The following ZFP90 variants were observed in gnomAD, a reference collection of about 807,000 sequenced individuals.
ZFP90 encodes the protein zinc finger protein 90 homolog.
ZFP90 carries 38 observed loss-of-function variants against 60.8 expected under a neutral mutation model. The observed-to-expected ratio is 0.62, with a 90% CI of 0.48 to 0.82. The LOEUF is 0.82. ZFP90 is among the 40% of genes least tolerant of loss of function. ZFP90 has a pLI of 0.00. For synonymous variants in ZFP90, 287 were observed against 264.8 expected, an observed-to-expected ratio of 1.08 and a Z score of -0.82; for missense variants, 711 against 759.1, an observed-to-expected ratio of 0.94 and a Z score of 0.74.
At chr16:68,545,233 C>T (rs1176982410) in intron 2 of ZFP90, among the ~76,000 whole-genome samples, 3 of 151,942 alleles carry the variant, frequency 2.0e-5, no homozygotes, top group African/African-American at 7.3e-5. Context: ...ATTTACCCAG[C>T]CTTCTCTGTA....
downstream of ZFP90, among the ~76,000 whole-genome samples, chr16:68,567,509 T>C (rs1029936356): frequency 2.6e-5 from 4 of 152,156 alleles, no homozygotes; most frequent in African/African-American, 9.7e-5. Flanking sequence ...TTTTTCCAAG[T>C]AGAGCTGGAA....
Position 68,564,787 on chromosome 16 carries a change from A to G in ZFP90, c.*89A>G. 2.0e-6 allele frequency: 3 copies of G among 1,481,640 alleles called. No homozygotes were observed. The highest frequency in any genetic ancestry group is 2.7e-6 in the Non-Finnish European group (3 of 1,121,810). 91.8% of individuals were successfully genotyped at this position (1,481,640 alleles called of 1,614,324 possible). On this transcript the variant is annotated 3_prime_UTR_variant, in exon 5 of 5. Coordinates refer to ENST00000563169, the MANE Select transcript of ZFP90 (RefSeq NM_001305203.2). ...GATTCTTAGAGAGCTTGGGAATGTA[A>G]TGAATTACGTGTGTGTTTATACGTT...
In ZFP90 at chr16:68,549,381, G is replaced by GT. The variant is rs375718304; in HGVS notation, c.34-8614dup. On this transcript the variant is annotated intron_variant, in intron 2 of 4. Transcript: ENST00000563169. ...GTCAGAGATACTGAAATGAAAAGGAGTTTAAGAAATTTTTGGCTGGGCGCG... is the reference window on the plus strand; with the variant it reads ...GTCAGAGATACTGAAATGAAAAGGAGTTTTAAGAAATTTTTGGCTGGGCGCG... Among the ~76,000 whole-genome samples, 588 of 152,242 alleles carry GT rather than the reference G, an allele frequency of 3.9e-3. 3 individuals are homozygous for GT. The highest frequency in any genetic ancestry group is 0.013 in the African/African-American group (560 of 41,544).
At chr16:68,538,314 A>C (rs2090977858), upstream of ZFP90, among the ~76,000 whole-genome samples, 1 of 152,232 alleles carries the variant, frequency 6.6e-6, no homozygotes, top group South Asian at 2.1e-4. Flanking sequence ...CAATGCTCTA[A>C]TGTTAAGAAA....
intron 2 of ZFP90, among the ~76,000 whole-genome samples, chr16:68,547,057 C>G (rs1270153001): frequency 1.3e-5 from 2 of 152,210 alleles, no homozygotes; most frequent in Non-Finnish European, 2.9e-5. Context: ...TGAACATGAA[C>G]ATGAGGCATT....
intron 2 of ZFP90, among the ~76,000 whole-genome samples, chr16:68,550,090 G>A (rs1300793128): frequency 1.3e-5 from 2 of 151,912 alleles, no homozygotes; most frequent in Non-Finnish European, 2.9e-5. Flanking sequence ...TTTTCTAGTG[G>A]CTACAATATA....
upstream of ZFP90, among the ~76,000 whole-genome samples, chr16:68,538,091 T>C (rs1464713251): frequency 6.6e-6 from 1 of 152,090 alleles, no homozygotes; most frequent in Non-Finnish European, 1.5e-5. Context: ...TTTGTATTTT[T>C]AGTAGAGACG....
intron 4 of ZFP90, among the ~76,000 whole-genome samples, chr16:68,560,537 T>TTTTATTTATTTA (rs1555499701): frequency 3.4e-5 from 5 of 147,116 alleles, no homozygotes; most frequent in East Asian, 4.0e-4. Flanking sequence ...CCACACTGGA[T>TTTTATTTATTTA]TTTATTTATT....
At position 68,539,509 on chromosome 16, in the gene ZFP90, G is replaced by A. The variant is rs545751846; in HGVS notation, c.-36+30G>A. 1.9e-4 allele frequency: 89 copies of A among 479,634 alleles called. 1 individual carries two copies. In the South Asian group the frequency reaches 2.8e-3, roughly 15 times the overall value. 29.7% of individuals were successfully genotyped at this position (479,634 alleles called of 1,614,324 possible). ...GCGGGTCTGGGCGGGACCCCTCCTG[G>A]GTTTGGCGGGTGTCAGCCGGGCCTC... On this transcript the variant is annotated intron_variant, in intron 1 of 4. Coordinates refer to ENST00000563169, the MANE Select transcript of ZFP90 (RefSeq NM_001305203.2).
downstream of ZFP90, among the ~76,000 whole-genome samples, chr16:68,568,207 T>C (rs2091548767): frequency 6.6e-6 from 1 of 152,222 alleles, no homozygotes; most frequent in South Asian, 2.1e-4. Flanking sequence ...TTTATTACCC[T>C]GCTAATTAAT....
chr16:68,554,201 A>G (rs895058615), intron 2 of ZFP90, among the ~76,000 whole-genome samples: 5 of 150,058 alleles, frequency 3.3e-5, no homozygotes, highest in African/African-American at 1.2e-4. Context: ...GGCTCATTGC[A>G]GTTTCCACCT....
intron 2 of ZFP90, among the ~76,000 whole-genome samples, chr16:68,551,546 C>T (rs1406841833): frequency 6.6e-6 from 1 of 151,254 alleles, no homozygotes; most frequent in African/African-American, 2.4e-5. Flanking sequence ...CCTCAGCCTC[C>T]CAAGTAGCTG....
At position 68,563,057 on chromosome 16, in the gene ZFP90, G is replaced by A. The variant is rs1176564329; in HGVS notation, c.270G>A (p.Arg90=). The A allele has an allele frequency of 6.2e-7, 1 of 1,614,118 alleles. No homozygotes were observed. Among genetic ancestry groups the A allele is most frequent in the Non-Finnish European group, 8.5e-7 (1 of 1,180,016 alleles). ...QRPFYPDWKT[R]PEVKSSHLQQ... is the part of the protein sequence containing the mutation. ...GATTTCTTTCAGACTGGAAGACCAG[G>A]CCTGAAGTCAAATCATCACATTTGC... The change falls in exon 5 of 5, where the codon AGG becomes AGA. Residue 90 remains arginine (R), a synonymous_variant. Coordinates refer to ENST00000563169, the MANE Select transcript of ZFP90 (RefSeq NM_001305203.2).
chr16:68,557,418 AATT>A, intron 2 of ZFP90: 1 of 364,272 alleles, frequency 2.7e-6, no homozygotes, highest in Admixed American at 3.3e-5. Context: ...AATAAGGTGC[AATT>A]ATTCCACTAT....
At chr16:68,570,010 CAT>C (rs1371620585), downstream of ZFP90, among the ~76,000 whole-genome samples, 3 of 150,084 alleles carry the variant, frequency 2.0e-5, no homozygotes, top group South Asian at 4.2e-4. Flanking sequence ...AGCATAGTAA[CAT>C]GTATTTTTCT....
chr16:68,567,107 T>A lies in ZFP90; in HGVS notation c.*2409T>A, dbSNP rs1044146892. 1 of 985,614 alleles carries A rather than the reference T, an allele frequency of 1.0e-6. No individual in the cohort carries two copies. The highest frequency in any genetic ancestry group is 1.2e-6 in the Non-Finnish European group (1 of 829,938). The allele number at this position is 985,614 out of a possible 1,614,324, so 61.1% of individuals were successfully genotyped here. A position where few individuals can be genotyped will look rare whatever the true frequency, so the allele number is the denominator to read the frequency against. ...ATCCTTGTAACATCATTGTATTCTTTCAATAAATAGCCTTCTGAGTTGAAT... is the reference window on the plus strand; with the variant it reads ...ATCCTTGTAACATCATTGTATTCTTACAATAAATAGCCTTCTGAGTTGAAT... On this transcript the variant is annotated 3_prime_UTR_variant, in exon 5 of 5. Transcript: ENST00000563169.
chr16:68,542,781 C>A (rs917852123), intron 2 of ZFP90, among the ~76,000 whole-genome samples: 1 of 152,122 alleles, frequency 6.6e-6, no homozygotes, highest in Non-Finnish European at 1.5e-5. Flanking sequence ...GGCCTTGTAA[C>A]TCGTTCATTC....
chr16:68,538,662 C>T (rs1315963449), upstream of ZFP90, among the ~76,000 whole-genome samples: 2 of 151,578 alleles, frequency 1.3e-5, no homozygotes, highest in East Asian at 2.0e-4. Context: ...GCCAAAATCG[C>T]GCCATTGCAC....
At position 68,563,402 on chromosome 16, in the gene ZFP90, T is replaced by C. The variant is rs1339471302; in HGVS notation, c.615T>C (p.Leu205=). 4 of 1,611,864 alleles carry C rather than the reference T, an allele frequency of 2.5e-6. No individual in the cohort carries two copies. Residue 205 remains leucine, a synonymous_variant, in exon 5 of 5, where the codon CTT becomes CTC. Coordinates refer to ENST00000563169, the MANE Select transcript of ZFP90 (RefSeq NM_001305203.2). ...ACTTACTTAATGAGAATAATATTCT[T>C]GCAAAAAAGAAACCCTATAAGTGTG... The part of the protein sequence containing the change: ...NADLLNENNI[L]AKKKPYKCDK...
Sources: allele counts gnomAD v4.1 joint callset (sites outside exome capture counted in the v4.1 genomes callset), GRCh38; gene constraint gnomAD v4.1.1; transcripts MANE v1.5; gene names NCBI Gene and HGNC (gene_info 2026-07-23, HGNC 2026-07-21).